PRR12: variants seen among roughly 807,000 people sequenced by gnomAD.
The protein encoded by PRR12 is proline-rich protein 12.
Under a neutral mutation model 138.0 loss-of-function variants are expected in PRR12, and 12 were observed. The observed-to-expected ratio is 0.09, with a 90% CI of 0.06 to 0.14. The LOEUF (loss-of-function observed/expected upper bound fraction) is 0.14. PRR12 is among the 10% of genes least tolerant of loss of function. PRR12 has a pLI of 1.00. For missense variants in PRR12, 2,692 were observed against 2,861.3 expected, an observed-to-expected ratio of 0.94 and a Z score of 1.35; for synonymous variants, 1,567 against 1,291.7, an observed-to-expected ratio of 1.21 and a Z score of -4.57.
intron 6 of PRR12, among the ~76,000 whole-genome samples, chr19:49,607,497 G>C (rs529141795): frequency 6.6e-6 from 1 of 152,070 alleles, no homozygotes; most frequent in Admixed American, 6.6e-5. Context: ...CTTGAGGTCA[G>C]GAGTTCAAGA....
chr19:49,622,571 G>A (rs1408682197), intron 11 of PRR12, among the ~76,000 whole-genome samples: 8 of 145,460 alleles, frequency 5.5e-5, no homozygotes, highest in African/African-American at 1.3e-4. Flanking sequence ...CAGCCTGGGC[G>A]ACAGAGCAAG....
chr19:49,620,198 C>A (rs1343694730), intron 9 of PRR12, among the ~76,000 whole-genome samples, 154 bp from the exon 10 acceptor site: 4 of 152,162 alleles, frequency 2.6e-5, no homozygotes, highest in Non-Finnish European at 5.9e-5. Flanking sequence ...GAGCACGTGG[C>A]ACTGGCGCTT....
intron 2 of PRR12, among the ~76,000 whole-genome samples, chr19:49,593,879 C>T (rs893274726): frequency 1.3e-5 from 2 of 152,162 alleles, no homozygotes; most frequent in Admixed American, 1.3e-4. Flanking sequence ...TTATTCTACC[C>T]ACCTTGCCTT....
In PRR12 at chr19:49,596,376, G is replaced by A. The variant is rs750051529; in HGVS notation, c.2041G>A (p.Gly681Arg). ...GGGACTTGGGGGGAGTGGCGGGGCC[G>A]GGGGACCACCGGGTACACCCTACGA... ...SKGLGGSGGA[G>R]GPPGTPYELA... The change falls in exon 4 of 14, where the codon GGG becomes AGG. Residue 681 changes from glycine (G) to arginine (R), a missense_variant. Coordinates refer to ENST00000418929, the MANE Select transcript of PRR12 (RefSeq NM_020719.3). The surrounding 1 kb of genome is among the most constrained non-coding windows in gnomAD (Gnocchi z 5.6). 315 of 1,600,250 alleles carry A rather than the reference G, an allele frequency of 2.0e-4. 7 individuals carry two copies. The East Asian group carries it at 4.7e-3, about 24-fold the overall frequency.
rs1460042226 is a variant in PRR12, at chr19:49,614,824, A to G, written c.4891-52A>G. 6 of 1,612,640 alleles carry G rather than the reference A, an allele frequency of 3.7e-6. No individual in the cohort carries two copies. Among genetic ancestry groups the G allele is most frequent in the Non-Finnish European group, 5.1e-6 (6 of 1,178,886 alleles). ...GGCCCAGGGCACGGGGGTGTTGGCC[A>G]TCTGGCTGGGCAGTGTGAAGAATTT... On this transcript the variant is annotated intron_variant, in intron 7 of 13. Coordinates refer to ENST00000418929, the MANE Select transcript of PRR12 (RefSeq NM_020719.3). This position sits in a 1 kb window ranked among gnomAD's most constrained non-coding sequence, Gnocchi z 5.0.
At chr19:49,623,501 G>C (rs982131867) in intron 11 of PRR12, among the ~76,000 whole-genome samples, 1 of 152,056 alleles carries the variant, frequency 6.6e-6, no homozygotes, top group Non-Finnish European at 1.5e-5. Flanking sequence ...GTGTGGTGGT[G>C]GGTGCCTGTA....
chr19:49,609,629 G>T (rs2080855618), intron 6 of PRR12, among the ~76,000 whole-genome samples: 1 of 151,864 alleles, frequency 6.6e-6, no homozygotes, highest in African/African-American at 2.4e-5. Context: ...TTTGTTGGAT[G>T]GAGAAGAGTA....
chr19:49,616,987 C>T lies in PRR12; in HGVS notation c.5497+768C>T, dbSNP rs2080896233. 6.6e-6 allele frequency among the ~76,000 whole-genome samples: 1 copy of T among 151,976 alleles called. No homozygotes were observed. The highest frequency in any genetic ancestry group is 6.6e-5 in the Admixed American group (1 of 15,252). ...TTACTAAAAAATACAAAAATTAGCC[C>T]AGCATGGTGGCGTGTGCCTGTAATC... On this transcript the variant is annotated intron_variant, in intron 9 of 13. Coordinates refer to ENST00000418929, the MANE Select transcript of PRR12 (RefSeq NM_020719.3). The surrounding 1 kb of genome is among the most constrained non-coding windows in gnomAD (Gnocchi z 4.2).
At position 49,591,220 on chromosome 19, in the gene PRR12, C is replaced by G. The variant is rs1425391825; in HGVS notation, c.-435C>G. 6.8e-6 allele frequency among the ~76,000 whole-genome samples: 1 copy of G among 146,922 alleles called. No individual in the cohort carries two copies. Among genetic ancestry groups the G allele is most frequent in the Non-Finnish European group, 1.5e-5 (1 of 66,210 alleles). On this transcript the variant is annotated 5_prime_UTR_variant, in exon 1 of 14. Coordinates refer to ENST00000418929, the MANE Select transcript of PRR12 (RefSeq NM_020719.3). ...CCGCCTTGTGCAAAGATGGCTGCACCGTGAGCGCAGAGGAGGAGGAGGCGG... is the reference window on the plus strand; with the variant it reads ...CCGCCTTGTGCAAAGATGGCTGCACGGTGAGCGCAGAGGAGGAGGAGGCGG...
chr19:49,621,768 T>C (rs2080924847), intron 11 of PRR12, 146 bp downstream of exon 11: 2 of 656,968 alleles, frequency 3.0e-6, no homozygotes, highest in Admixed American at 2.5e-5. Flanking sequence ...AGGGCAGGAC[T>C]GTCAGGAGAT....
chr19:49,596,206 T>G lies in PRR12; in HGVS notation c.1871T>G (p.Leu624Arg). 1 of 1,610,976 alleles carries G rather than the reference T, an allele frequency of 6.2e-7. No individual in the cohort carries two copies. Among genetic ancestry groups the G allele is most frequent in the South Asian group, 1.1e-5 (1 of 91,080 alleles). The change falls in exon 4 of 14, where the codon CTG becomes CGG. Residue 624 changes from leucine (L) to arginine (R), a missense_variant. Leu to Arg is a moderately radical substitution (Grantham distance 102). Coordinates refer to ENST00000418929, the MANE Select transcript of PRR12 (RefSeq NM_020719.3). This position sits in a 1 kb window ranked among gnomAD's most constrained non-coding sequence, Gnocchi z 5.6. ...GYKGKGDGSE[L>R]LAGPGGPPAE... is the part of the protein sequence containing the mutation. ...AAGGGCAAGGGGGATGGCTCGGAGC[T>G]GCTGGCGGGCCCAGGTGGGCCTCCT...
intron 9 of PRR12, among the ~76,000 whole-genome samples, chr19:49,619,153 G>T (rs1253270753): frequency 2.0e-5 from 3 of 150,962 alleles, no homozygotes; most frequent in Non-Finnish European, 4.4e-5. Context: ...ACAATTAAGT[G>T]CTCTGAGCTA....
rs757567143 is a variant in PRR12 at position 49,593,319 on chromosome 19, C to A, written c.87-8C>A. The A allele has an allele frequency of 8.0e-6, 12 of 1,502,854 alleles. No individual in the cohort carries two copies. The highest frequency in any genetic ancestry group is 1.1e-5 in the Non-Finnish European group (12 of 1,088,106). 93.1% of individuals were successfully genotyped at this position (1,502,854 alleles called of 1,614,324 possible). On this transcript the variant is annotated splice_polypyrimidine_tract_variant and splice_region_variant and intron_variant, in intron 1 of 13. Transcript: ENST00000418929. ...AAGAACCCCCTGACGTCTCCCCTTT[C>A]CCCCCAGCTTGGTTTATGGCAGCTC...
chr19:49,597,164 G>A lies in PRR12; in HGVS notation c.2829G>A (p.Glu943=). The part of the protein sequence containing the change: ...CFPDSLLQDE[E]RSFFPTMEEM... ...CTGACTCCTTGCTCCAAGACGAGGA[G>A]CGCAGCTTCTTCCCCACCATGGAGG... The change falls in exon 4 of 14, where the codon GAG becomes GAA. Residue 943 remains glutamate, a synonymous_variant. Transcript: ENST00000418929. This position sits in a 1 kb window ranked among gnomAD's most constrained non-coding sequence, Gnocchi z 6.3. The A allele has an allele frequency of 6.4e-7, 1 of 1,552,578 alleles. No individual in the cohort carries two copies. The highest frequency in any genetic ancestry group is 8.7e-7 in the Non-Finnish European group (1 of 1,148,126).
Position 49,614,686 on chromosome 19 carries a change from CG to C in PRR12, c.4890+41del. The C allele has an allele frequency of 6.5e-7, 1 of 1,526,834 alleles. No individual in the cohort carries two copies. 94.6% of individuals were successfully genotyped at this position (1,526,834 alleles called of 1,614,324 possible). On this transcript the variant is annotated intron_variant, in intron 7 of 13. Transcript: ENST00000418929. The surrounding 1 kb of genome is among the most constrained non-coding windows in gnomAD (Gnocchi z 5.0). ...AAGGGGACCAAGGACTTGGGGGCCC[CG>C]GGGCGTGGTATCTAGGAGCTGGGGT...
intron 6 of PRR12, among the ~76,000 whole-genome samples, chr19:49,603,180 G>A (rs567418815): frequency 1.4e-4 from 22 of 152,354 alleles, no homozygotes; most frequent in Non-Finnish European, 2.8e-4. Context: ...AGTTGGATCA[G>A]AGGATTAATG....
In PRR12 at chr19:49,625,236, T is replaced by C. The variant is rs1194385479; in HGVS notation, c.5964+36T>C. 7 of 1,591,638 alleles carry C rather than the reference T, an allele frequency of 4.4e-6. No individual in the cohort carries two copies. The highest frequency in any genetic ancestry group is 6.0e-6 in the Non-Finnish European group (7 of 1,160,536). Reference sequence around the variant, plus strand: ...CCCACAGCACCCATCGCCCTGGGATTCCAACCTTTCTGACTTCCTCTTGGG... The same window carrying C: ...CCCACAGCACCCATCGCCCTGGGATCCCAACCTTTCTGACTTCCTCTTGGG... On this transcript the variant is annotated intron_variant, in intron 13 of 13. Coordinates refer to ENST00000418929, the MANE Select transcript of PRR12 (RefSeq NM_020719.3). This position sits in a 1 kb window ranked among gnomAD's most constrained non-coding sequence, Gnocchi z 5.5.
In PRR12 at chr19:49,591,702, C is replaced by A; in HGVS notation, c.48C>A (p.Ala16=). ...CCGGCTTCGGGGACCCGCTCGGCGC[C>A]GGGGCGGGATGGAGTTACGAGAGGT... ...PSAGFGDPLG[A]GAGWSYERSA... is the part of the protein sequence containing the mutation. Residue 16 remains alanine, a synonymous_variant, in exon 1 of 14, where the codon GCC becomes GCA. Coordinates refer to ENST00000418929, the MANE Select transcript of PRR12 (RefSeq NM_020719.3). The A allele has an allele frequency of 6.7e-7, 1 of 1,494,412 alleles. No homozygotes were observed. The highest frequency in any genetic ancestry group is 3.0e-5 in the East Asian group (1 of 33,714). 92.6% of individuals were successfully genotyped at this position (1,494,412 alleles called of 1,614,324 possible). A position where few individuals can be genotyped will look rare whatever the true frequency, so the allele number is the denominator to read the frequency against.
At position 49,611,015 on chromosome 19, in the gene PRR12, G is replaced by A. The variant is rs181034961; in HGVS notation, c.4774-3518G>A. Among the ~76,000 whole-genome samples the A allele has an allele frequency of 4.6e-3, 682 of 148,168 alleles. 6 individuals carry two copies. Among genetic ancestry groups the A allele is most frequent in the Non-Finnish European group, 5.1e-3 (340 of 67,194 alleles). ...GCACCATCATGCCCGGCTAATTTTTGTATTTTTGTAGAGACGGGGTTTCAC... is the reference window on the plus strand; with the variant it reads ...GCACCATCATGCCCGGCTAATTTTTATATTTTTGTAGAGACGGGGTTTCAC... On this transcript the variant is annotated intron_variant, in intron 6 of 13. Transcript: ENST00000418929.
Sources: allele counts gnomAD v4.1 joint callset (sites outside exome capture counted in the v4.1 genomes callset), GRCh38; gene constraint gnomAD v4.1.1; non-coding constraint Gnocchi (gnomAD v3.1); transcripts MANE v1.5; gene names NCBI Gene and HGNC (gene_info 2026-07-23, HGNC 2026-07-21).